Variants in EFR3A observed in about 807,000 individuals in gnomAD.
EFR3A encodes the protein EFR3 homolog A, also known as protein EFR3 homolog A.
EFR3A carries 76 observed loss-of-function variants against 104.4 expected under a neutral mutation model. The ratio of observed to expected loss-of-function variants is 0.73; its 90% CI spans 0.60 to 0.88. The LOEUF (loss-of-function observed/expected upper bound fraction) is 0.88. EFR3A is among the 40% of genes least tolerant of loss of function. The pLI is 0.00. For missense variants in EFR3A, 985 were observed against 1,012.5 expected, an observed-to-expected ratio of 0.97 and a Z score of 0.37; for synonymous variants, 330 against 330.0, an observed-to-expected ratio of 1.00 and a Z score of 0.00.
chr8:131,949,567 G>C (rs1227087727), intron 4 of EFR3A, among the ~76,000 whole-genome samples: 1 of 152,098 alleles, frequency 6.6e-6, no homozygotes, highest in Non-Finnish European at 1.5e-5. Context: ...GCTTTGGGAG[G>C]CCAAGGCAGG....
At chr8:131,968,779 A>G (rs1819899010) in intron 9 of EFR3A, among the ~76,000 whole-genome samples, 1 of 152,182 alleles carries the variant, frequency 6.6e-6, no homozygotes, top group Non-Finnish European at 1.5e-5. Context: ...CTTTGATCAC[A>G]TATCATTTAA....
intron 8 of EFR3A, among the ~76,000 whole-genome samples, chr8:131,962,870 T>C (rs1819457878): frequency 6.6e-6 from 1 of 152,196 alleles, no homozygotes; most frequent in Admixed American, 6.5e-5. Flanking sequence ...ACAAACTGTC[T>C]CTCAGACCAC....
At chr8:131,962,607 G>C (rs1819432132) in intron 8 of EFR3A, among the ~76,000 whole-genome samples, 3 of 152,112 alleles carry the variant, frequency 2.0e-5, no homozygotes, top group Non-Finnish European at 1.5e-5. Context: ...CACAATAGTA[G>C]TGGGAGACTT....
intron 14 of EFR3A, among the ~76,000 whole-genome samples, chr8:131,981,333 G>C (rs972043521): frequency 2.6e-5 from 4 of 151,936 alleles, no homozygotes; most frequent in Non-Finnish European, 4.4e-5. Flanking sequence ...TTTCATGTTA[G>C]ATTTTGAATC....
At chr8:131,988,496 T>C (rs1821011746) in intron 18 of EFR3A, among the ~76,000 whole-genome samples, 1 of 152,028 alleles carries the variant, frequency 6.6e-6, no homozygotes, top group Admixed American at 6.6e-5. Flanking sequence ...AGTACAGTAA[T>C]AGTTGTTCAT....
chr8:131,968,470 G>A (rs749444245), intron 9 of EFR3A, 40 bp downstream of exon 9: 1 of 1,598,160 alleles, frequency 6.3e-7, no homozygotes, highest in East Asian at 2.2e-5. Flanking sequence ...GCGTTGATCT[G>A]GTTCAAAGTG....
intron 2 of EFR3A, among the ~76,000 whole-genome samples, chr8:131,944,344 A>G (rs1045418760): frequency 1.3e-5 from 2 of 152,122 alleles, no homozygotes; most frequent in African/African-American, 4.8e-5. Context: ...CTGAATCATT[A>G]AAAAAGCCAT....
intron 2 of EFR3A, among the ~76,000 whole-genome samples, chr8:131,941,735 C>T (rs1268800005): frequency 6.6e-6 from 1 of 152,034 alleles, no homozygotes; most frequent in Non-Finnish European, 1.5e-5. Flanking sequence ...CTCCGGGAAG[C>T]ATTCACAGAG....
chr8:132,003,103 T>C (rs1367103501), intron 21 of EFR3A, 133 bp from the exon 22 acceptor site: 1 of 699,782 alleles, frequency 1.4e-6, no homozygotes, highest in Non-Finnish European at 2.3e-6. Flanking sequence ...ACCAAAACTT[T>C]AAAGCATTGT....
Position 132,005,093 on chromosome 8 carries a change from C to T in EFR3A, c.2360+1808C>T, listed in dbSNP as rs574375724. Among the ~76,000 whole-genome samples, 7 of 152,294 alleles carry T rather than the reference C, an allele frequency of 4.6e-5. No individual in the cohort carries two copies. In the South Asian group the frequency reaches 1.4e-3, roughly 32 times the overall value. ...CTAAATGTATTATTTTATTTAATAT[C>T]TGCAACAGACTCTAACAAACAGATA... On this transcript the variant is annotated intron_variant, in intron 22 of 22. Transcript: ENST00000254624.
intron 1 of EFR3A, among the ~76,000 whole-genome samples, chr8:131,920,743 G>A (rs1002939803): frequency 6.6e-6 from 1 of 151,666 alleles, no homozygotes; most frequent in African/African-American, 2.4e-5. Flanking sequence ...ATAGTGTTGA[G>A]AGTACAGGCT....
Position 131,904,468 on chromosome 8 carries a change from G to C in EFR3A, c.10+146G>C, listed in dbSNP as rs529325677. On this transcript the variant is annotated intron_variant, in intron 1 of 22. Coordinates refer to ENST00000254624, the MANE Select transcript of EFR3A (RefSeq NM_015137.6). Reference sequence around the variant, plus strand: ...GTCTGCGAGCGGCGGAGTTAGTTTCGTTTCGGCTTAGCCTTCCGGAGATGG... The same window carrying C: ...GTCTGCGAGCGGCGGAGTTAGTTTCCTTTCGGCTTAGCCTTCCGGAGATGG... 3 of 852,396 alleles carry C rather than the reference G, an allele frequency of 3.5e-6. No homozygotes were observed. The East Asian group carries it at 1.0e-4, about 29-fold the overall frequency. 52.8% of individuals were successfully genotyped at this position (852,396 alleles called of 1,614,324 possible).
intron 1 of EFR3A, among the ~76,000 whole-genome samples, chr8:131,910,163 G>C (rs1157956511): frequency 1.3e-5 from 2 of 152,250 alleles, no homozygotes; most frequent in Non-Finnish European, 2.9e-5. Flanking sequence ...TAGCCGAGTA[G>C]CTGGACAGAT....
intron 18 of EFR3A, among the ~76,000 whole-genome samples, chr8:131,992,422 T>C (rs1401771650): frequency 6.6e-6 from 1 of 152,176 alleles, no homozygotes; most frequent in Non-Finnish European, 1.5e-5. Flanking sequence ...TCAGCCTTCA[T>C]GCAGTAGAAC....
In EFR3A at chr8:131,937,695, A is replaced by G. The variant is rs149539215; in HGVS notation, c.11-2804A>G. ...CATACAATTGGGGAAAAGAACTACA[A>G]TATAGAATTAAATTTAAAGGAAGAA... On this transcript the variant is annotated intron_variant, in intron 1 of 22. Transcript: ENST00000254624. Among the ~76,000 whole-genome samples the G allele has an allele frequency of 7.1e-3, 1,076 of 152,280 alleles. 7 individuals are homozygous for G. The highest frequency in any genetic ancestry group is 0.024 in the African/African-American group (1,012 of 41,578).
At chr8:131,943,395 C>G (rs1190170181) in intron 2 of EFR3A, among the ~76,000 whole-genome samples, 1 of 151,794 alleles carries the variant, frequency 6.6e-6, no homozygotes, top group African/African-American at 2.4e-5. Context: ...ATAGGAGAGA[C>G]ACAATTTTAT....
chr8:131,986,904 AAG>A (rs1820916261), intron 17 of EFR3A, among the ~76,000 whole-genome samples: 1 of 152,090 alleles, frequency 6.6e-6, no homozygotes, highest in African/African-American at 2.4e-5. Context: ...TCAAACCTTT[AAG>A]AGAGTACAGT....
intron 1 of EFR3A, among the ~76,000 whole-genome samples, chr8:131,922,855 G>A (rs990554770): frequency 5.9e-5 from 9 of 152,068 alleles, no homozygotes; most frequent in Non-Finnish European, 1.2e-4. Context: ...TACCAACTCA[G>A]TGTCATAAGT....
chr8:131,968,079 G>A (rs1269410129), intron 8 of EFR3A, among the ~76,000 whole-genome samples: 1 of 151,930 alleles, frequency 6.6e-6, no homozygotes, highest in Non-Finnish European at 1.5e-5. Context: ...GAATTGTGCA[G>A]TATGCTTTTT....
Sources: allele counts gnomAD v4.1 joint callset (sites outside exome capture counted in the v4.1 genomes callset), GRCh38; gene constraint gnomAD v4.1.1; transcripts MANE v1.5; gene names NCBI Gene and HGNC (gene_info 2026-07-23, HGNC 2026-07-21).